DCAF13: variants seen among roughly 807,000 people sequenced by gnomAD.
DCAF13 encodes the protein DDB1 and CUL4 associated factor 13.
A neutral mutation model predicts 59.0 loss-of-function variants in DCAF13; 38 were observed. That is an observed-to-expected ratio of 0.64 (90% confidence interval 0.50 to 0.84). The LOEUF is 0.84. Ranked by LOEUF, DCAF13 falls within the 40% of genes least tolerant of loss-of-function variation. DCAF13 has a pLI of 0.00. For missense variants in DCAF13, 469 were observed against 558.4 expected (o/e 0.84, Z 1.61); for synonymous variants, 173 against 175.0 (o/e 0.99, Z 0.09).
intron 3 of DCAF13, among the ~76,000 whole-genome samples, chr8:103,422,746 T>C (rs1297479262): frequency 6.6e-6 from 1 of 152,204 alleles, no homozygotes; most frequent in African/African-American, 2.4e-5. Flanking sequence ...AAATAGATCT[T>C]CCTTATTCTT....
At chr8:103,427,601 A>G (rs997423089) in intron 5 of DCAF13, 1 of 252,622 alleles carries the variant, frequency 4.0e-6, no homozygotes, top group African/African-American at 2.2e-5. Context: ...GAAAATGTTA[A>G]TTTTTCTACC....
intron 6 of DCAF13, among the ~76,000 whole-genome samples, chr8:103,431,368 G>A (rs910298613): frequency 1.3e-5 from 2 of 152,144 alleles, no homozygotes; most frequent in Non-Finnish European, 2.9e-5. Context: ...AGAAAGGGCT[G>A]GACATCATTG....
chr8:103,420,045 A>T (rs1446289071), intron 1 of DCAF13, among the ~76,000 whole-genome samples: 5 of 151,592 alleles, frequency 3.3e-5, no homozygotes, highest in African/African-American at 1.2e-4. Context: ...ATGTATATAT[A>T]CCTAGGGTCT....
Position 103,419,681 on chromosome 8 carries a change from G to C in DCAF13, c.71-583G>C, listed in dbSNP as rs1816695242. 2.0e-5 allele frequency among the ~76,000 whole-genome samples: 3 copies of C among 152,266 alleles called. No homozygotes were observed. The Middle Eastern group carries it at 0.01, about 518-fold the overall frequency. On this transcript the variant is annotated intron_variant, in intron 1 of 10. Transcript: ENST00000612750. ...AAAGTGTATTGGAAGCCCTGACAGT[G>C]AACACTTACAACCCAGTTGAAGAGG... is the stretch of plus-strand genomic sequence containing the variant.
At chr8:103,437,469 G>T (rs1816948193) in intron 8 of DCAF13, among the ~76,000 whole-genome samples, 2 of 152,142 alleles carry the variant, frequency 1.3e-5, no homozygotes, top group South Asian at 4.1e-4. Context: ...CTAAATGTAG[G>T]TCTAGCTAGA....
intron 1 of DCAF13, among the ~76,000 whole-genome samples, chr8:103,418,021 G>C (rs28445772): frequency 0.044 from 6,632 of 151,248 alleles, 423 homozygotes; most frequent in African/African-American, 0.14. Flanking sequence ...CCAGCTACTC[G>C]GGAGGCTGAG....
intron 1 of DCAF13, among the ~76,000 whole-genome samples, chr8:103,416,557 C>T (rs1816616086): frequency 6.6e-6 from 1 of 152,174 alleles, no homozygotes; most frequent in East Asian, 1.9e-4. Flanking sequence ...GCCGCTTTCT[C>T]TGGAAGACTT....
intron 6 of DCAF13, among the ~76,000 whole-genome samples, chr8:103,432,052 C>T (rs1219130959): frequency 1.3e-5 from 2 of 152,172 alleles, no homozygotes; most frequent in Non-Finnish European, 2.9e-5. Flanking sequence ...TTTGCTCCAT[C>T]TACTAGTCTA....
At chr8:103,420,670 A>G in intron 2 of DCAF13, 1 of 590,088 alleles carries the variant, frequency 1.7e-6, no homozygotes, top group Non-Finnish European at 2.9e-6. Context: ...TTTGACAGTA[A>G]ATTAAATAAT....
At position 103,421,016 on chromosome 8, in the gene DCAF13, A is replaced by G. The variant is rs774171051; in HGVS notation, c.312A>G (p.Thr104=). 31 of 1,613,684 alleles carry G rather than the reference A, an allele frequency of 1.9e-5. No homozygotes were observed. Among genetic ancestry groups the G allele is most frequent in the African/African-American group, 4.0e-5 (3 of 74,924 alleles). ...WNLTQRNCIR[T]IQAHEGFVRG... is the part of the protein sequence containing the mutation. Reference sequence around the variant, plus strand: ...TAACTCAGCGGAATTGTATCCGTACAATACAAGCACATGAAGGCTTTGTAC... The same window carrying G: ...TAACTCAGCGGAATTGTATCCGTACGATACAAGCACATGAAGGCTTTGTAC... Residue 104 remains threonine, a synonymous_variant, in exon 3 of 11, where the codon ACA becomes ACG. Coordinates refer to ENST00000612750, the MANE Select transcript of DCAF13 (RefSeq NM_015420.7).
At chr8:103,426,657 A>G (rs1563503846) in intron 4 of DCAF13, among the ~76,000 whole-genome samples, 1 of 152,202 alleles carries the variant, frequency 6.6e-6, no homozygotes, top group Non-Finnish European at 1.5e-5. Context: ...CATTTGGTCT[A>G]TCCATGTTTT....
intron 1 of DCAF13, among the ~76,000 whole-genome samples, chr8:103,419,858 A>C (rs1816697617): frequency 6.6e-6 from 1 of 151,880 alleles, no homozygotes; most frequent in Admixed American, 6.6e-5. Flanking sequence ...AAAATAGAAA[A>C]ATTAGCTGGG....
chr8:103,421,148 A>AT (rs757256806), intron 3 of DCAF13, 66 bp downstream of exon 3: 32 of 1,122,578 alleles, frequency 2.9e-5, no homozygotes, highest in African/African-American at 7.7e-5. Context: ...AATTGAATAC[A>AT]TTTTTTTTCA....
At chr8:103,424,337 T>G (rs955319798) in intron 3 of DCAF13, among the ~76,000 whole-genome samples, 1 of 152,224 alleles carries the variant, frequency 6.6e-6, no homozygotes, top group Non-Finnish European at 1.5e-5. Flanking sequence ...AAAAAGATAT[T>G]TTTGAGTAAT....
In DCAF13 at chr8:103,415,397, CG is replaced by C. The variant is rs1398248946; in HGVS notation, c.-48del. 6.2e-7 allele frequency: 1 copy of C among 1,614,068 alleles called. No individual in the cohort carries two copies. The highest frequency in any genetic ancestry group is 8.5e-7 in the Non-Finnish European group (1 of 1,180,018). ...GCCTGTGGGAGGAGGTGGCGGTGGG[CG>C]GAACTCCTAGCGGACACCTCGTGGA... On this transcript the variant is annotated 5_prime_UTR_variant, in exon 1 of 11. Transcript: ENST00000612750.
intron 8 of DCAF13, 155 bp from the exon 9 acceptor site, chr8:103,439,981 T>C (rs1816986057): frequency 8.1e-6 from 4 of 492,386 alleles, no homozygotes; most frequent in Non-Finnish European, 1.3e-5. Context: ...GGAACCTTAT[T>C]AGTTGGGTTC....
At chr8:103,418,866 ATTTTTTTTTT>A (rs1159489554) in intron 1 of DCAF13, among the ~76,000 whole-genome samples, 2,301 of 38,412 alleles carry the variant, frequency 0.06, 84 homozygotes, top group East Asian at 0.091. Context: ...ATATATATAT[ATTTTTTTTTT>A]TTTTTTTTTT....
chr8:103,432,832 G>A, intron 7 of DCAF13, 91 bp downstream of exon 7: 1 of 726,836 alleles, frequency 1.4e-6, no homozygotes, highest in Non-Finnish European at 2.3e-6. Flanking sequence ...CCACTAGGTA[G>A]GTATACCTAT....
At chr8:103,419,974 A>G (rs1033702258) in intron 1 of DCAF13, among the ~76,000 whole-genome samples, 2 of 148,584 alleles carry the variant, frequency 1.3e-5, no homozygotes, top group African/African-American at 5.0e-5. Context: ...GCGCCACTGC[A>G]CTCCAGCCTG....
Sources: gnomAD v4.1 joint callset for allele counts (sites outside exome capture counted in the v4.1 genomes callset) on GRCh38, gnomAD v4.1.1 for gene constraint, MANE v1.5 for transcripts, NCBI Gene and HGNC (gene_info 2026-07-23, HGNC 2026-07-21) for gene names.